UBR3: variants seen among roughly 807,000 people sequenced by gnomAD.
UBR3 encodes the protein E3 ubiquitin-protein ligase UBR3.
A neutral mutation model predicts 243.2 loss-of-function variants in UBR3; 85 were observed. That is an observed-to-expected ratio of 0.35 (90% CI 0.29 to 0.42). The LOEUF is 0.42. Among genes scored for constraint, UBR3 ranks in the 10% least tolerant of loss-of-function variants. UBR3 has a pLI of 1.00. For missense variants in UBR3, 1,686 were observed against 2,300.8 expected, an observed-to-expected ratio of 0.73 and a Z score of 5.47; for synonymous variants, 748 against 799.8, an observed-to-expected ratio of 0.94 and a Z score of 1.09.
In UBR3 at chr2:170,055,674, T is replaced by C. The variant is rs1157489878; in HGVS notation, c.4785+90T>C. Reference sequence around the variant, plus strand: ...GTGAATAAGAGTAGGTGTTACAAAATGAGTTATTGGTATTTTAATTGTAAA... The same window carrying C: ...GTGAATAAGAGTAGGTGTTACAAAACGAGTTATTGGTATTTTAATTGTAAA... On this transcript the variant is annotated intron_variant, in intron 33 of 38. Transcript: ENST00000272793. The C allele has an allele frequency of 9.5e-6, 14 of 1,480,240 alleles. No homozygotes were observed. The East Asian group carries it at 3.4e-4, about 36-fold the overall frequency. The allele number at this position is 1,480,240 out of a possible 1,614,324, so 91.7% of individuals were successfully genotyped here.
intron 31 of UBR3, among the ~76,000 whole-genome samples, chr2:170,033,841 CA>C (rs550013007): frequency 6.6e-6 from 1 of 151,570 alleles, no homozygotes; most frequent in South Asian, 2.1e-4. Flanking sequence ...TGCTGATAAT[CA>C]TTTTTTATTT....
At chr2:170,076,707 C>T (rs1446356360) in intron 36 of UBR3, among the ~76,000 whole-genome samples, 1 of 152,218 alleles carries the variant, frequency 6.6e-6, no homozygotes, top group African/African-American at 2.4e-5. Context: ...CGTGATCCAG[C>T]ACACCTCAAC....
intron 7 of UBR3, among the ~76,000 whole-genome samples, chr2:169,895,572 A>C (rs945607621): frequency 1.3e-5 from 2 of 152,332 alleles, no homozygotes; most frequent in Admixed American, 1.3e-4. Flanking sequence ...GGGAACAAAC[A>C]TTGAAACCAC....
intron 7 of UBR3, among the ~76,000 whole-genome samples, 181 bp from the exon 8 acceptor site, chr2:169,896,326 T>C (rs2084589285): frequency 6.6e-6 from 1 of 152,032 alleles, no homozygotes; most frequent in African/African-American, 2.4e-5. Context: ...ACCATCAAAA[T>C]ATTTTGCAAA....
At chr2:169,898,922 C>T (rs571791854) in intron 8 of UBR3, among the ~76,000 whole-genome samples, 12 of 151,196 alleles carry the variant, frequency 7.9e-5, no homozygotes, top group East Asian at 3.9e-4. Context: ...AGGATGGTCT[C>T]GATATCCTAA....
intron 35 of UBR3, among the ~76,000 whole-genome samples, chr2:170,065,891 G>A (rs1400225456): frequency 6.6e-6 from 1 of 150,606 alleles, no homozygotes; most frequent in African/African-American, 2.4e-5. Flanking sequence ...TGCACATCCA[G>A]TACTATTTTG....
At chr2:169,889,620 G>A (rs1469286809) in intron 5 of UBR3, among the ~76,000 whole-genome samples, 1 of 152,194 alleles carries the variant, frequency 6.6e-6, no homozygotes, top group Non-Finnish European at 1.5e-5. Context: ...ATTGTAGTTT[G>A]ACTGTTAGTT....
chr2:169,917,366 G>A (rs1450671017), intron 11 of UBR3, among the ~76,000 whole-genome samples: 1 of 152,164 alleles, frequency 6.6e-6, no homozygotes, highest in South Asian at 2.1e-4. Context: ...TTTAACTGAA[G>A]CTTTTCTCAA....
chr2:169,954,838 G>C (rs1194215969), intron 23 of UBR3, among the ~76,000 whole-genome samples: 3 of 152,138 alleles, frequency 2.0e-5, no homozygotes, highest in Non-Finnish European at 4.4e-5. Context: ...ATCCCAAAGT[G>C]CTGGGATTAC....
chr2:169,935,079 G>T (rs954977484), intron 19 of UBR3, among the ~76,000 whole-genome samples: 1 of 152,200 alleles, frequency 6.6e-6, no homozygotes, highest in African/African-American at 2.4e-5. Context: ...CAAACCAGCA[G>T]TTGGAAAACC....
intron 24 of UBR3, among the ~76,000 whole-genome samples, chr2:169,961,451 G>A (rs961419770): frequency 2.6e-5 from 4 of 150,962 alleles, no homozygotes; most frequent in Admixed American, 1.3e-4. Context: ...CCTAGTATCT[G>A]GGACTATAGG....
intron 24 of UBR3, among the ~76,000 whole-genome samples, chr2:169,968,380 A>G (rs1049417683): frequency 1.3e-5 from 2 of 152,168 alleles, no homozygotes; most frequent in Admixed American, 6.6e-5. Flanking sequence ...TCTGGTAACC[A>G]TCATTTTGCT....
At chr2:169,983,763 A>C (rs761089382) in intron 24 of UBR3, among the ~76,000 whole-genome samples, 8 of 152,210 alleles carry the variant, frequency 5.3e-5, no homozygotes, top group Non-Finnish European at 1.0e-4. Flanking sequence ...ATTCAGATAG[A>C]TTCTTTTCTG....
intron 1 of UBR3, among the ~76,000 whole-genome samples, chr2:169,869,572 A>G (rs957927750): frequency 1.3e-5 from 2 of 152,166 alleles, no homozygotes; most frequent in East Asian, 1.9e-4. Flanking sequence ...TAACCACAAT[A>G]TTGTTATCAC....
intron 35 of UBR3, among the ~76,000 whole-genome samples, chr2:170,061,949 A>G (rs2091466431): frequency 1.3e-5 from 2 of 152,186 alleles, no homozygotes; most frequent in Admixed American, 6.5e-5. Flanking sequence ...CTAATATTGG[A>G]TATTTGAGCA....
Position 169,949,680 on chromosome 2 carries a change from A to G in UBR3, c.3160A>G (p.Ser1054Gly), listed in dbSNP as rs1440291008. 1.3e-6 allele frequency: 2 copies of G among 1,551,546 alleles called. No individual in the cohort carries two copies. The highest frequency in any genetic ancestry group is 3.9e-5 in the Admixed American group (2 of 50,988). The change falls in exon 23 of 39, where the codon AGC becomes GGC. Residue 1054 changes from serine (S) to glycine (G), a missense_variant. By Grantham distance (56) the Ser-to-Gly change is moderately conservative (BLOSUM62 0). This residue lies in a region of UBR3 where 300 missense variants were observed against 314.4 expected (regional missense o/e 0.95). Transcript: ENST00000272793. ...KKFQEIINRS[S>G]SEANQVVRPK... is the part of the protein sequence containing the mutation. Reference sequence around the variant, plus strand: ...ATTTCAGGAAATCATCAATCGCAGTAGCAGTGAAGCAAATCAGGTGGTTCG... The same window carrying G: ...ATTTCAGGAAATCATCAATCGCAGTGGCAGTGAAGCAAATCAGGTGGTTCG...
intron 33 of UBR3, among the ~76,000 whole-genome samples, chr2:170,055,879 A>T (rs899200653): frequency 6.6e-6 from 1 of 152,120 alleles, no homozygotes; most frequent in African/African-American, 2.4e-5. Context: ...TGAGCACATG[A>T]TAAAATATCT....
intron 5 of UBR3, among the ~76,000 whole-genome samples, chr2:169,881,764 ATT>A (rs1240649436): frequency 1.4e-5 from 2 of 139,392 alleles, no homozygotes; most frequent in South Asian, 2.1e-4. Flanking sequence ...ATATTAATAA[ATT>A]ATATATAATA....
At chr2:169,955,167 G>A (rs1183730884) in intron 23 of UBR3, among the ~76,000 whole-genome samples, 1 of 152,080 alleles carries the variant, frequency 6.6e-6, no homozygotes, top group Non-Finnish European at 1.5e-5. Context: ...TTCATCACTG[G>A]TGATTAACTT....
Sources: gnomAD v4.1 joint callset for allele counts (sites outside exome capture counted in the v4.1 genomes callset) on GRCh38, gnomAD v4.1.1 for gene constraint, gnomAD v4.1.1 regional missense constraint, MANE v1.5 for transcripts, NCBI Gene and HGNC (gene_info 2026-07-23, HGNC 2026-07-21) for gene names.